PPP3CA: variants seen among roughly 807,000 people sequenced by gnomAD.
The protein encoded by PPP3CA is CAM-PRP catalytic subunit.
PPP3CA carries 14 observed loss-of-function variants against 66.5 expected under a neutral mutation model. The ratio of observed to expected loss-of-function variants is 0.21; its 90% CI spans 0.14 to 0.33. PPP3CA has a LOEUF of 0.33. PPP3CA is among the 10% of genes least tolerant of loss of function. The probability of loss-of-function intolerance (pLI) is 1.00; values close to 1 mark genes in which losing one functional copy is unlikely to be tolerated. For missense variants in PPP3CA, 317 were observed against 639.5 expected (o/e 0.50, Z 5.44); for synonymous variants, 232 against 226.2 (o/e 1.03, Z -0.23).
chr4:101,231,583 GA>G (rs1314385685), intron 1 of PPP3CA, among the ~76,000 whole-genome samples: 2 of 151,492 alleles, frequency 1.3e-5, no homozygotes, highest in African/African-American at 2.4e-5. Context: ...AGGCTTTGAT[GA>G]AAAAAATACA....
chr4:101,133,626 C>CATGG (rs1184938260), intron 2 of PPP3CA, among the ~76,000 whole-genome samples: 1 of 152,110 alleles, frequency 6.6e-6, no homozygotes, highest in Non-Finnish European at 1.5e-5. Flanking sequence ...ATTCCATGCT[C>CATGG]ATGGATAGGA....
intron 2 of PPP3CA, among the ~76,000 whole-genome samples, chr4:101,162,529 A>G (rs1723549700): frequency 3.6e-5 from 2 of 56,014 alleles, no homozygotes; most frequent in South Asian, 1.3e-3. Flanking sequence ...GACTCCATCA[A>G]AATAAATAAA....
At chr4:101,196,204 C>G in intron 1 of PPP3CA, 88 bp from the exon 2 acceptor site, 1 of 1,168,498 alleles carries the variant, frequency 8.6e-7, no homozygotes. Context: ...ATCCTCATCA[C>G]AAACCAACTA....
At chr4:101,276,867 T>C (rs184602022) in intron 1 of PPP3CA, among the ~76,000 whole-genome samples, 1 of 151,460 alleles carries the variant, frequency 6.6e-6, no homozygotes, top group East Asian at 1.9e-4. Context: ...TGAGCCAGCG[T>C]TGATACGTTA....
At chr4:101,253,846 C>T (rs185664971) in intron 1 of PPP3CA, among the ~76,000 whole-genome samples, 64 of 151,982 alleles carry the variant, frequency 4.2e-4, no homozygotes, top group African/African-American at 1.4e-3. Context: ...CTCTCTTTTA[C>T]GATGCTCCTT....
intron 1 of PPP3CA, among the ~76,000 whole-genome samples, chr4:101,339,625 T>C (rs1165220431): frequency 6.6e-6 from 1 of 152,174 alleles, no homozygotes; most frequent in African/African-American, 2.4e-5. Context: ...CTTAATATAA[T>C]ACACTCAAAA....
At chr4:101,072,602 A>G (rs1728964266) in intron 8 of PPP3CA, among the ~76,000 whole-genome samples, 2 of 152,240 alleles carry the variant, frequency 1.3e-5, no homozygotes, top group Non-Finnish European at 2.9e-5. Context: ...CTGGCACATA[A>G]TAAGTGCTCA....
intron 2 of PPP3CA, among the ~76,000 whole-genome samples, chr4:101,117,357 G>A (rs1231192955): frequency 2.6e-5 from 4 of 151,580 alleles, no homozygotes; most frequent in Admixed American, 1.3e-4. Context: ...TATGACCACA[G>A]TGTACTATTG....
chr4:101,075,978 A>G (rs1215930836), intron 8 of PPP3CA, among the ~76,000 whole-genome samples: 1 of 152,172 alleles, frequency 6.6e-6, no homozygotes, highest in African/African-American at 2.4e-5. Context: ...GTAAGTTCTC[A>G]ATAAAGGTTT....
At chr4:101,299,117 T>G (rs142876989) in intron 1 of PPP3CA, among the ~76,000 whole-genome samples, 3,192 of 144,272 alleles carry the variant, frequency 0.022, 55 homozygotes, top group Non-Finnish European at 0.037. Context: ...TTTTTTTTTT[T>G]TTTTTTTTTT....
chr4:101,152,865 T>TA (rs1045242422), intron 2 of PPP3CA, among the ~76,000 whole-genome samples: 10 of 151,608 alleles, frequency 6.6e-5, no homozygotes, highest in African/African-American at 2.2e-4. Context: ...CTAGTCTCAC[T>TA]AAAAAAAAGA....
chr4:101,241,747 A>G (rs1200296356), intron 1 of PPP3CA, among the ~76,000 whole-genome samples: 3 of 152,144 alleles, frequency 2.0e-5, no homozygotes, highest in Non-Finnish European at 4.4e-5. Flanking sequence ...ACTAAAATAC[A>G]GGGCTAGATA....
chr4:101,109,507 T>C (rs1039622183), intron 2 of PPP3CA, among the ~76,000 whole-genome samples: 3 of 151,932 alleles, frequency 2.0e-5, no homozygotes, highest in African/African-American at 7.2e-5. Flanking sequence ...GCATAATCTA[T>C]GTACAACTGA....
At chr4:101,067,722 G>A (rs1481663343) in intron 8 of PPP3CA, among the ~76,000 whole-genome samples, 2 of 150,492 alleles carry the variant, frequency 1.3e-5, no homozygotes, top group African/African-American at 4.9e-5. Context: ...GCTAAATGAC[G>A]AGTTAATGGG....
chr4:101,083,009 A>C (rs193171407), intron 7 of PPP3CA, among the ~76,000 whole-genome samples, 177 bp downstream of exon 7: 1 of 152,332 alleles, frequency 6.6e-6, no homozygotes, highest in African/African-American at 2.4e-5. Flanking sequence ...ATACATCTGC[A>C]GCCATTCATT....
chr4:101,138,387 T>A (rs1217403815), intron 2 of PPP3CA, among the ~76,000 whole-genome samples: 1 of 152,254 alleles, frequency 6.6e-6, no homozygotes, highest in African/African-American at 2.4e-5. Context: ...TGGTTTATTG[T>A]GTGATATATT....
chr4:101,078,759 C>G (rs1729296983), intron 8 of PPP3CA, among the ~76,000 whole-genome samples: 1 of 152,124 alleles, frequency 6.6e-6, no homozygotes, highest in Non-Finnish European at 1.5e-5. Context: ...AATTTTATTG[C>G]AGTGCTTTTC....
chr4:101,333,611 G>C lies in PPP3CA; in HGVS notation c.58+13128C>G, dbSNP rs143592326. Among the ~76,000 whole-genome samples the C allele has an allele frequency of 3.4e-4, 51 of 152,198 alleles. No individual in the cohort carries two copies. The East Asian group carries it at 9.7e-3, about 29-fold the overall frequency. ...GAATGGCATTCAGTGTTTTGGAAAT[G>C]AGTGAATGAATGGTCTGCCTCTTGT... On this transcript the variant is annotated intron_variant, in intron 1 of 13. Transcript: ENST00000394854.
chr4:101,041,421 C>A, intron 10 of PPP3CA, among the ~76,000 whole-genome samples: 1 of 143,202 alleles, frequency 7.0e-6, no homozygotes. Flanking sequence ...AGAAAAAATA[C>A]CTCACAAATT....
Sources: allele counts gnomAD v4.1 joint callset (sites outside exome capture counted in the v4.1 genomes callset), GRCh38; gene constraint gnomAD v4.1.1; transcripts MANE v1.5; gene names NCBI Gene and HGNC (gene_info 2026-07-23, HGNC 2026-07-21).